Variants in PSMA6 observed in about 807,000 individuals in gnomAD.
PSMA6 encodes proteasome 20S subunit alpha 6.
For synonymous variants in PSMA6, 88 were observed against 97.7 expected (o/e 0.90, Z 0.59); for missense variants, 170 against 294.8 (o/e 0.58, Z 3.10).
chr14:35,300,350 G>T (rs7154901), intron 1 of PSMA6, among the ~76,000 whole-genome samples: 4,855 of 152,158 alleles, frequency 0.032, 264 homozygotes, highest in African/African-American at 0.11. Flanking sequence ...GTACACACCT[G>T]TTGTCCCACA....
At chr14:35,280,469 C>A (rs2051354797) in intron 1 of PSMA6, among the ~76,000 whole-genome samples, 1 of 151,522 alleles carries the variant, frequency 6.6e-6, no homozygotes, top group African/African-American at 2.4e-5. Flanking sequence ...GCAACCTCCA[C>A]CTCCCGGATT....
chr14:35,295,796 C>T (rs1400024628), intron 1 of PSMA6, among the ~76,000 whole-genome samples: 3 of 152,144 alleles, frequency 2.0e-5, no homozygotes, highest in Non-Finnish European at 4.4e-5. Flanking sequence ...TATGTGTGTG[C>T]ATGTATTCAT....
chr14:35,278,708 T>A (rs995527781), exon 1 of PSMA6: 3 of 1,534,190 alleles, frequency 2.0e-6, no homozygotes, highest in Non-Finnish European at 2.6e-6. Flanking sequence ...CTATGGCAGG[T>A]CTTCGGAGAG....
intron 1 of PSMA6, among the ~76,000 whole-genome samples, chr14:35,287,074 A>G (rs1013976466): frequency 1.3e-5 from 2 of 152,076 alleles, no homozygotes; most frequent in Non-Finnish European, 2.9e-5. Flanking sequence ...CTCCTCCAAC[A>G]CTCATCCAGA....
intron 1 of PSMA6, among the ~76,000 whole-genome samples, chr14:35,282,423 T>TA (rs202131658): frequency 2.0e-4 from 30 of 146,384 alleles, no homozygotes; most frequent in Non-Finnish European, 3.0e-4. Context: ...ATTTGTAAAT[T>TA]AAAAAAAAAT....
chr14:35,294,066 C>G (rs554705116), intron 1 of PSMA6, among the ~76,000 whole-genome samples: 1 of 152,298 alleles, frequency 6.6e-6, no homozygotes, highest in East Asian at 1.9e-4. Context: ...TTTTTTGAGA[C>G]AGAGCTTCAC....
rs1039017668 is a variant in PSMA6, at chr14:35,296,149, G to A, written c.76+3597G>A. Among the ~76,000 whole-genome samples the A allele has an allele frequency of 5.3e-5, 8 of 152,180 alleles. No individual in the cohort carries two copies. The East Asian group carries it at 1.3e-3, about 26-fold the overall frequency. On this transcript the variant is annotated intron_variant, in intron 1 of 6. Coordinates refer to ENST00000261479, the MANE Select transcript of PSMA6 (RefSeq NM_002791.3). ...GAAGTGTCATTGTGTATTGAAGCCA[G>A]AATTCCTGAGTTCAAGTCCTTACTG...
At chr14:35,307,647 T>C (rs1278022769) in intron 1 of PSMA6, among the ~76,000 whole-genome samples, 1 of 152,106 alleles carries the variant, frequency 6.6e-6, no homozygotes, top group African/African-American at 2.4e-5. Flanking sequence ...GGCAGGAGAC[T>C]AGCGTTAACC....
intron 1 of PSMA6, among the ~76,000 whole-genome samples, chr14:35,282,323 C>T (rs1393011704): frequency 6.6e-6 from 1 of 152,158 alleles, no homozygotes; most frequent in African/African-American, 2.4e-5. Flanking sequence ...CAGCCTTGAC[C>T]TCCTGGACTC....
Position 35,300,137 on chromosome 14 carries a change from C to T in PSMA6, c.76+7585C>T, listed in dbSNP as rs377700229. ...AGCTAGCAGGGGTCTTTAAGAATGG[C>T]GAGGTAATTAAGTAAAATAATAGGA... On this transcript the variant is annotated intron_variant, in intron 1 of 6. Transcript: ENST00000261479. 1.7e-4 allele frequency among the ~76,000 whole-genome samples: 26 copies of T among 151,898 alleles called. No homozygotes were observed. In the East Asian group the frequency reaches 1.7e-3, roughly 10 times the overall value.
chr14:35,281,859 G>A (rs752549015), intron 1 of PSMA6, among the ~76,000 whole-genome samples: 8 of 152,146 alleles, frequency 5.3e-5, no homozygotes, highest in Non-Finnish European at 4.4e-5. Flanking sequence ...AAGGTGCTAG[G>A]ATTACAGGCA....
At chr14:35,293,082 A>T in intron 1 of PSMA6, 1 of 445,950 alleles carries the variant, frequency 2.2e-6, no homozygotes, top group Non-Finnish European at 4.5e-6. Flanking sequence ...TTAGAGTGAC[A>T]GATACGTTAA....
At chr14:35,280,141 AAAAG>A (rs1160576640) in intron 1 of PSMA6, among the ~76,000 whole-genome samples, 1 of 146,698 alleles carries the variant, frequency 6.8e-6, no homozygotes, top group Non-Finnish European at 1.5e-5. Flanking sequence ...AAAAAAAAAA[AAAAG>A]AATGTATTTT....
intron 4 of PSMA6, 96 bp from the exon 5 acceptor site, chr14:35,312,785 A>G: frequency 1.7e-6 from 2 of 1,148,140 alleles, no homozygotes; most frequent in Non-Finnish European, 2.4e-6. Context: ...TGATGGCCAA[A>G]GTCATGATTA....
At chr14:35,292,348 C>CA (rs1371519957), upstream of PSMA6, 28 of 1,518,586 alleles carry the variant, frequency 1.8e-5, no homozygotes, top group Non-Finnish European at 2.4e-5. Context: ...GTGAGTTCGG[C>CA]ATGCAAGAGC....
In PSMA6 at chr14:35,292,419, G is replaced by C. The variant is rs372970614; in HGVS notation, c.-58G>C. On this transcript the variant is annotated 5_prime_UTR_variant, in exon 1 of 7. Coordinates refer to ENST00000261479, the MANE Select transcript of PSMA6 (RefSeq NM_002791.3). ...TGCAACTTCCGGGAGGTGCTTGTGT[G>C]CCTGGTGCGGGAGCTACGGGGCCCA... 36 of 1,578,216 alleles carry C rather than the reference G, an allele frequency of 2.3e-5. No homozygotes were observed. Among genetic ancestry groups the C allele is most frequent in the East Asian group, 1.1e-4 (5 of 43,480 alleles).
intron 3 of PSMA6, chr14:35,310,191 C>CTTT (rs33988739): frequency 5.6e-5 from 20 of 354,058 alleles, no homozygotes; most frequent in South Asian, 7.9e-5. Context: ...CTCTCAAGGC[C>CTTT]TTTTTTTTTT....
chr14:35,291,384 A>AT (rs982001787), upstream of PSMA6, among the ~76,000 whole-genome samples: 20 of 151,880 alleles, frequency 1.3e-4, no homozygotes, highest in South Asian at 4.2e-4. Context: ...CGCCTGGCTA[A>AT]TTTTTTTTGT....
chr14:35,280,108 G>A (rs2051349906), intron 1 of PSMA6, among the ~76,000 whole-genome samples: 1 of 149,448 alleles, frequency 6.7e-6, no homozygotes, highest in Admixed American at 6.8e-5. Flanking sequence ...TCCAGCCTGG[G>A]CGACAGAGCA....
Sources: allele counts gnomAD v4.1 joint callset (sites outside exome capture counted in the v4.1 genomes callset), GRCh38; gene constraint gnomAD v4.1.1; transcripts MANE v1.5; gene names NCBI Gene and HGNC (gene_info 2026-07-23, HGNC 2026-07-21).